VPS8: variants seen among roughly 807,000 people sequenced by gnomAD.
The protein encoded by VPS8 is VPS8 subunit of CORVET complex, also known as vacuolar protein sorting-associated protein 8 homolog.
Under a neutral mutation model 216.4 loss-of-function variants are expected in VPS8, and 129 were observed. The observed-to-expected ratio is 0.60, with a 90% CI of 0.52 to 0.69. The LOEUF (loss-of-function observed/expected upper bound fraction) is 0.69, where lower values mean the gene tolerates loss of function less well. VPS8 is among the 30% of genes least tolerant of loss of function. The pLI is 0.00. For missense variants in VPS8, 1,531 were observed against 1,683.5 expected, an observed-to-expected ratio of 0.91 and a Z score of 1.59; for synonymous variants, 571 against 565.4, an observed-to-expected ratio of 1.01 and a Z score of -0.14.
chr3:184,964,438 A>T, intron 37 of VPS8, 30 bp from the exon 38 acceptor site: 1 of 1,385,384 alleles, frequency 7.2e-7, no homozygotes, highest in Non-Finnish European at 9.7e-7. Context: ...AGATTGGTGA[A>T]TAAAAATATT....
In VPS8 at chr3:185,052,067, C is replaced by T. The variant is rs755721064; in HGVS notation, c.*42C>T. On this transcript the variant is annotated 3_prime_UTR_variant, in exon 48 of 48. Coordinates refer to ENST00000625842, the MANE Select transcript of VPS8 (RefSeq NM_001009921.3). ...GGCCCAGGAGAACCAGAGATGATCC[C>T]GAGGCAGCTGGGGAGAGGCCCCGCC... is the stretch of plus-strand genomic sequence containing the variant. The T allele has an allele frequency of 1.5e-5, 23 of 1,571,284 alleles. No individual in the cohort carries two copies. Among genetic ancestry groups the T allele is most frequent in the African/African-American group, 5.4e-5 (4 of 74,058 alleles).
intron 36 of VPS8, among the ~76,000 whole-genome samples, chr3:184,955,938 A>ACTT (rs1400890725): frequency 6.8e-6 from 1 of 147,774 alleles, no homozygotes; most frequent in East Asian, 2.0e-4. Context: ...CACTGAACAA[A>ACTT]CTTCTGTATT....
intron 22 of VPS8, among the ~76,000 whole-genome samples, chr3:184,889,023 T>C (rs1339470624): frequency 6.6e-6 from 1 of 152,222 alleles, no homozygotes; most frequent in Admixed American, 6.5e-5. Context: ...TTCCAGAATA[T>C]TTTGTTATTC....
chr3:184,930,403 G>T (rs1740464231), intron 33 of VPS8, 67 bp from the exon 34 acceptor site: 2 of 1,110,310 alleles, frequency 1.8e-6, no homozygotes, highest in African/African-American at 3.1e-5. Context: ...ACCAAGACTG[G>T]TTCAGTTGGT....
chr3:184,850,093 T>C, intron 10 of VPS8, 71 bp downstream of exon 10: 1 of 1,311,760 alleles, frequency 7.6e-7, no homozygotes, highest in East Asian at 2.4e-5. Context: ...AGTAAATTTC[T>C]CTATGTTGAT....
At chr3:185,001,817 C>T (rs1031292505) in intron 45 of VPS8, among the ~76,000 whole-genome samples, 1 of 152,214 alleles carries the variant, frequency 6.6e-6, no homozygotes, top group African/African-American at 2.4e-5. Context: ...AAGACACTCT[C>T]ATCACTCAGG....
chr3:185,051,504 G>T (rs1714236116), intron 47 of VPS8, among the ~76,000 whole-genome samples: 1 of 152,138 alleles, frequency 6.6e-6, no homozygotes, highest in African/African-American at 2.4e-5. Flanking sequence ...GAGCTCCTCA[G>T]CCCAGGGCGC....
Position 184,894,935 on chromosome 3 carries a change from TA to T in VPS8, c.2004+11del. 6.3e-7 allele frequency: 1 copy of T among 1,584,992 alleles called. No homozygotes were observed. Among genetic ancestry groups the T allele is most frequent in the South Asian group, 1.1e-5 (1 of 87,550 alleles). The stretch of plus-strand genomic sequence containing the variant: ...CCTAGATATTCAGCAGGTGAGTTTA[TA>T]GACAGTCTACTAACTTATGAAATAA... On this transcript the variant is annotated intron_variant, in intron 23 of 47. Coordinates refer to ENST00000625842, the MANE Select transcript of VPS8 (RefSeq NM_001009921.3).
chr3:184,851,573 C>G (rs1323941940), intron 10 of VPS8, among the ~76,000 whole-genome samples: 2 of 152,052 alleles, frequency 1.3e-5, no homozygotes, highest in Admixed American at 1.3e-4. Flanking sequence ...AATACAAGTT[C>G]TGTTATTTTT....
chr3:184,915,935 T>G (rs1737483064), intron 28 of VPS8, among the ~76,000 whole-genome samples: 1 of 150,930 alleles, frequency 6.6e-6, no homozygotes, highest in Admixed American at 6.6e-5. Context: ...TGCTACCCAT[T>G]TTTTTCTCTA....
At chr3:184,984,021 A>G (rs1750641527) in intron 42 of VPS8, among the ~76,000 whole-genome samples, 1 of 149,690 alleles carries the variant, frequency 6.7e-6, no homozygotes, top group Non-Finnish European at 1.5e-5. Flanking sequence ...CGTCTCTACT[A>G]AAAATACAAA....
At chr3:184,903,285 A>G (rs1326493409) in intron 25 of VPS8, among the ~76,000 whole-genome samples, 1 of 152,126 alleles carries the variant, frequency 6.6e-6, no homozygotes, top group Non-Finnish European at 1.5e-5. Context: ...TTGCCTTTCT[A>G]TATAAACGTT....
intron 25 of VPS8, among the ~76,000 whole-genome samples, chr3:184,909,589 T>G (rs1330194616): frequency 1.3e-5 from 2 of 152,220 alleles, no homozygotes; most frequent in Non-Finnish European, 2.9e-5. Flanking sequence ...TATTTTTCGG[T>G]CTAATTTCCA....
chr3:184,982,467 T>C (rs1750371147), intron 40 of VPS8, 99 bp from the exon 41 acceptor site: 2 of 811,692 alleles, frequency 2.5e-6, no homozygotes. Flanking sequence ...GAAGTACGTT[T>C]CAACCTGTAA....
At chr3:184,855,110 A>G (rs1414340679) in intron 13 of VPS8, among the ~76,000 whole-genome samples, 1 of 151,054 alleles carries the variant, frequency 6.6e-6, no homozygotes, top group Non-Finnish European at 1.5e-5. Flanking sequence ...GCGAATTGAG[A>G]TTTTTTTCAT....
At chr3:184,956,784 A>G (rs933755582) in intron 36 of VPS8, among the ~76,000 whole-genome samples, 3 of 152,170 alleles carry the variant, frequency 2.0e-5, no homozygotes, top group Admixed American at 1.3e-4. Flanking sequence ...ACCCATAAAT[A>G]TTGTGTATTT....
chr3:184,918,802 G>A (rs980154934), intron 28 of VPS8, among the ~76,000 whole-genome samples: 3 of 152,188 alleles, frequency 2.0e-5, no homozygotes, highest in Non-Finnish European at 2.9e-5. Flanking sequence ...AGCAGGCAGG[G>A]ATGGGTGTCT....
intron 16 of VPS8, among the ~76,000 whole-genome samples, chr3:184,863,873 A>G (rs534482887): frequency 2.6e-5 from 4 of 152,340 alleles, no homozygotes; most frequent in African/African-American, 7.2e-5. Flanking sequence ...CCTTCATATT[A>G]TAACTTCAGA....
intron 43 of VPS8, among the ~76,000 whole-genome samples, chr3:184,995,899 GA>G (rs1752552351): frequency 6.6e-6 from 1 of 152,164 alleles, no homozygotes; most frequent in African/African-American, 2.4e-5. Context: ...ACATTACCAC[GA>G]ATGCAGTTTC....
Sources: gnomAD v4.1 joint callset for allele counts (sites outside exome capture counted in the v4.1 genomes callset) on GRCh38, gnomAD v4.1.1 for gene constraint, MANE v1.5 for transcripts, NCBI Gene and HGNC (gene_info 2026-07-23, HGNC 2026-07-21) for gene names.